The following CNTN4 variants were observed in gnomAD, a reference collection of about 807,000 sequenced individuals.
CNTN4 encodes contactin 4.
Under a neutral mutation model 122.5 loss-of-function variants are expected in CNTN4, and 77 were observed. That is an observed-to-expected ratio of 0.63 (90% CI 0.52 to 0.76). The LOEUF (loss-of-function observed/expected upper bound fraction) is 0.76, where lower values mean the gene tolerates loss of function less well. CNTN4 is among the 30% of genes least tolerant of loss of function. CNTN4 has a pLI of 0.00. For missense variants in CNTN4, 1,256 were observed against 1,259.1 expected (o/e 1.00, Z 0.04); for synonymous variants, 512 against 447.0 (o/e 1.15, Z -1.83).
chr3:2,624,701 G>A (rs1423207317), intron 4 of CNTN4, among the ~76,000 whole-genome samples: 1 of 143,392 alleles, frequency 7.0e-6, no homozygotes, highest in Non-Finnish European at 1.5e-5. Context: ...AAGTGATCTC[G>A]GCACACTGCA....
chr3:3,044,224 T>C (rs1700415111), intron 23 of CNTN4, among the ~76,000 whole-genome samples: 1 of 152,288 alleles, frequency 6.6e-6, no homozygotes, highest in Middle Eastern at 3.4e-3. Flanking sequence ...GAAAAGAACA[T>C]GTCTGTAGCC....
At position 2,333,174 on chromosome 3, in the gene CNTN4, T is replaced by C. The variant is rs377260627; in HGVS notation, c.-144-6004T>C. On this transcript the variant is annotated intron_variant, in intron 2 of 24. Transcript: ENST00000418658. ...AAGCCATTCCCACTGCTGTTCTCAA[T>C]CCCCTCCCTGTCTTAGATTCATAGA... 1.1e-3 allele frequency among the ~76,000 whole-genome samples: 172 copies of C among 152,294 alleles called. 1 individual carries two copies. The highest frequency in any genetic ancestry group is 3.9e-3 in the African/African-American group (164 of 41,576).
At chr3:2,694,524 G>T (rs940384388) in intron 4 of CNTN4, among the ~76,000 whole-genome samples, 2 of 152,172 alleles carry the variant, frequency 1.3e-5, no homozygotes, top group African/African-American at 2.4e-5. Context: ...TAGGTCAGGA[G>T]TTCGAGATCA....
intron 3 of CNTN4, among the ~76,000 whole-genome samples, chr3:2,368,622 G>A (rs1309793081): frequency 6.6e-6 from 1 of 151,872 alleles, no homozygotes; most frequent in Non-Finnish European, 1.5e-5. Context: ...GATGGTATTT[G>A]AGATAAAAAT....
At chr3:2,982,157 C>G (rs1468001591) in intron 13 of CNTN4, among the ~76,000 whole-genome samples, 2 of 152,142 alleles carry the variant, frequency 1.3e-5, no homozygotes, top group East Asian at 1.9e-4. Context: ...GAAGAAATGT[C>G]AGGTGCTTTT....
At chr3:2,604,826 C>T in intron 4 of CNTN4, among the ~76,000 whole-genome samples, 1 of 152,090 alleles carries the variant, frequency 6.6e-6, no homozygotes, top group Non-Finnish European at 1.5e-5. Flanking sequence ...CTCCTGCCCC[C>T]TTGTTGTTGT....
chr3:2,787,732 G>C (rs62232891), intron 6 of CNTN4, among the ~76,000 whole-genome samples: 3 of 151,352 alleles, frequency 2.0e-5, no homozygotes, highest in African/African-American at 7.3e-5. Context: ...GGTTCATTAG[G>C]TTAGCTCATG....
chr3:2,837,486 G>A (rs1423769075), intron 7 of CNTN4, among the ~76,000 whole-genome samples: 2 of 152,092 alleles, frequency 1.3e-5, no homozygotes, highest in Non-Finnish European at 2.9e-5. Flanking sequence ...GTGTTACTGG[G>A]GCAAGTGTGC....
intron 2 of CNTN4, among the ~76,000 whole-genome samples, chr3:2,268,760 C>T (rs950026885): frequency 2.0e-5 from 3 of 152,128 alleles, no homozygotes; most frequent in Non-Finnish European, 2.9e-5. Context: ...AACTCCCTTA[C>T]GTTCTTTATC....
chr3:2,756,398 C>A (rs2090341102), intron 6 of CNTN4, among the ~76,000 whole-genome samples: 1 of 152,170 alleles, frequency 6.6e-6, no homozygotes. Context: ...AGGTGGCAGT[C>A]AGTGAAACAG....
intron 3 of CNTN4, among the ~76,000 whole-genome samples, chr3:2,387,243 A>C (rs2046287384): frequency 6.6e-6 from 1 of 152,222 alleles, no homozygotes; most frequent in Non-Finnish European, 1.5e-5. Flanking sequence ...TCTCTTAAAA[A>C]TGCTTTTGGT....
intron 14 of CNTN4, among the ~76,000 whole-genome samples, chr3:3,008,357 T>G (rs931823866): frequency 6.6e-6 from 1 of 152,208 alleles, no homozygotes; most frequent in African/African-American, 2.4e-5. Flanking sequence ...TTACCTGGCA[T>G]GGATCCGCCA....
At chr3:2,266,337 A>G (rs992073669) in intron 2 of CNTN4, among the ~76,000 whole-genome samples, 2 of 152,052 alleles carry the variant, frequency 1.3e-5, no homozygotes. Context: ...TTAACCATTT[A>G]TCAAGTCATG....
intron 2 of CNTN4, among the ~76,000 whole-genome samples, chr3:2,305,610 T>G (rs1370082413): frequency 1.3e-5 from 2 of 152,182 alleles, no homozygotes; most frequent in Admixed American, 1.3e-4. Context: ...GATGAAATTA[T>G]TTTTGTGAAT....
intron 3 of CNTN4, among the ~76,000 whole-genome samples, chr3:2,367,464 T>C (rs564431520): frequency 9.8e-5 from 15 of 152,326 alleles, no homozygotes; most frequent in African/African-American, 3.6e-4. Context: ...AGTGGATAAG[T>C]GAAGTTAGAA....
chr3:2,650,364 A>G (rs1396494704), intron 4 of CNTN4, among the ~76,000 whole-genome samples: 1 of 152,184 alleles, frequency 6.6e-6, no homozygotes, highest in Non-Finnish European at 1.5e-5. Flanking sequence ...TAAGCAAATA[A>G]CATGGTTTCT....
At chr3:2,179,711 A>T (rs1316348916) in intron 2 of CNTN4, among the ~76,000 whole-genome samples, 1 of 151,872 alleles carries the variant, frequency 6.6e-6, no homozygotes, top group Admixed American at 6.6e-5. Flanking sequence ...CTACAGGTAT[A>T]ATTCCAAAAG....
chr3:2,532,652 C>T (rs1156555657), intron 3 of CNTN4, among the ~76,000 whole-genome samples: 1 of 152,078 alleles, frequency 6.6e-6, no homozygotes, highest in African/African-American at 2.4e-5. Context: ...ATATATTCTA[C>T]TCTCAAAAAG....
chr3:2,633,773 C>T (rs2082542622), intron 4 of CNTN4, among the ~76,000 whole-genome samples: 1 of 152,172 alleles, frequency 6.6e-6, no homozygotes, highest in African/African-American at 2.4e-5. Flanking sequence ...TTGGTCTTTG[C>T]TCTTGACCTC....
Sources: gnomAD v4.1 joint callset for allele counts (sites outside exome capture counted in the v4.1 genomes callset) on GRCh38, gnomAD v4.1.1 for gene constraint, MANE v1.5 for transcripts, NCBI Gene and HGNC (gene_info 2026-07-23, HGNC 2026-07-21) for gene names.